The following LMNTD1 variants were observed in gnomAD, a reference collection of about 807,000 sequenced individuals.
The protein encoded by LMNTD1 is lamin tail domain-containing protein 1.
A neutral mutation model predicts 50.9 loss-of-function variants in LMNTD1; 35 were observed. The ratio of observed to expected loss-of-function variants is 0.69; its 90% confidence interval spans 0.53 to 0.91. The LOEUF (loss-of-function observed/expected upper bound fraction) is 0.91. Ranked by LOEUF, LMNTD1 falls within the 40% of genes least tolerant of loss-of-function variation. The pLI, the probability that LMNTD1 is intolerant of heterozygous loss-of-function variation, is 0.00. For synonymous variants in LMNTD1, 153 were observed against 161.9 expected (o/e 0.94, Z 0.42); for missense variants, 470 against 475.5 (o/e 0.99, Z 0.11).
chr12:25,478,793 A>G (rs895327873), intron 9 of LMNTD1, among the ~76,000 whole-genome samples: 14 of 152,194 alleles, frequency 9.2e-5, no homozygotes, highest in Non-Finnish European at 1.9e-4. Flanking sequence ...TCTCAAGAAA[A>G]AAAAAGCTGG....
At chr12:25,614,388 G>A (rs978583547) in intron 1 of LMNTD1, among the ~76,000 whole-genome samples, 1 of 151,988 alleles carries the variant, frequency 6.6e-6, no homozygotes, top group Non-Finnish European at 1.5e-5. Flanking sequence ...CAATTACCAG[G>A]TATCTGGGTG....
At chr12:25,606,470 G>A (rs1946106458) in intron 1 of LMNTD1, among the ~76,000 whole-genome samples, 1 of 152,160 alleles carries the variant, frequency 6.6e-6, no homozygotes, top group Non-Finnish European at 1.5e-5. Flanking sequence ...CTGTGGGTTT[G>A]TCATAGATAG....
At chr12:25,601,535 T>C (rs1945974719) in intron 1 of LMNTD1, among the ~76,000 whole-genome samples, 1 of 151,968 alleles carries the variant, frequency 6.6e-6, no homozygotes. Flanking sequence ...GACGTGATTA[T>C]GAAGCATTGC....
chr12:25,529,593 A>G (rs1942079289), intron 4 of LMNTD1, among the ~76,000 whole-genome samples: 1 of 152,042 alleles, frequency 6.6e-6, no homozygotes, highest in Non-Finnish European at 1.5e-5. Context: ...AGTGGCATCT[A>G]TTTACGTCTT....
intron 4 of LMNTD1, among the ~76,000 whole-genome samples, chr12:25,544,418 T>A (rs1405401432): frequency 6.6e-6 from 1 of 151,862 alleles, no homozygotes. Flanking sequence ...ATGGAATAGT[T>A]TTTCTATCCC....
chr12:25,511,920 C>G (rs985585939), intron 8 of LMNTD1, among the ~76,000 whole-genome samples: 2 of 152,176 alleles, frequency 1.3e-5, no homozygotes, highest in Non-Finnish European at 2.9e-5. Flanking sequence ...TTTGCCCCCC[C>G]TCTTTTCAAC....
At chr12:25,518,400 A>C (rs956314451) in intron 8 of LMNTD1, among the ~76,000 whole-genome samples, 1 of 152,240 alleles carries the variant, frequency 6.6e-6, no homozygotes, top group African/African-American at 2.4e-5. Flanking sequence ...AGAATTGGGG[A>C]TTAACATTAG....
rs555036071 is a variant in LMNTD1 at position 25,595,257 on chromosome 12, C to T, written c.59-48703G>A. 2.5e-4 allele frequency among the ~76,000 whole-genome samples: 38 copies of T among 152,100 alleles called. No individual in the cohort carries two copies. The South Asian group carries it at 7.9e-3, about 32-fold the overall frequency. On this transcript the variant is annotated intron_variant, in intron 1 of 7. Transcript: ENST00000445693. ...AACAGATGTATAGAGAATATTTTACCCAACAACCACAGAATATACATTCTA... is the reference window on the plus strand; with the variant it reads ...AACAGATGTATAGAGAATATTTTACTCAACAACCACAGAATATACATTCTA...
intron 1 of LMNTD1, among the ~76,000 whole-genome samples, chr12:25,629,644 T>C (rs1030387943): frequency 2.0e-5 from 3 of 152,144 alleles, no homozygotes; most frequent in Admixed American, 1.3e-4. Flanking sequence ...TCTAAGGGGA[T>C]TGATTTTATT....
chr12:25,484,767 T>G (rs1938565701), intron 9 of LMNTD1, among the ~76,000 whole-genome samples: 1 of 146,710 alleles, frequency 6.8e-6, no homozygotes, highest in Non-Finnish European at 1.5e-5. Flanking sequence ...TGGTTTTTTC[T>G]TCTTGCGATA....
chr12:25,504,335 G>A lies in LMNTD1; in HGVS notation c.1190-535C>T, dbSNP rs78033903. On this transcript the variant is annotated intron_variant, in intron 8 of 9. Coordinates refer to ENST00000458174, the MANE Select transcript of LMNTD1 (RefSeq NM_001145728.2). ...CAACTCCAGCCTGGTGATGAATGAG[G>A]TGACAGATATGGTGGCCTTCCTTAC... 3.6e-3 allele frequency among the ~76,000 whole-genome samples: 553 copies of A among 152,300 alleles called. 4 individuals are homozygous for A. Among genetic ancestry groups the A allele is most frequent in the African/African-American group, 0.013 (538 of 41,564 alleles).
At chr12:25,605,452 C>T (rs1182944020) in intron 1 of LMNTD1, among the ~76,000 whole-genome samples, 2 of 152,144 alleles carry the variant, frequency 1.3e-5, no homozygotes, top group African/African-American at 2.4e-5. Context: ...CCTAGGTTTT[C>T]TTCTAGGGTT....
intron 4 of LMNTD1, among the ~76,000 whole-genome samples, chr12:25,543,597 T>C (rs894468020): frequency 2.0e-5 from 3 of 151,952 alleles, no homozygotes; most frequent in Non-Finnish European, 2.9e-5. Flanking sequence ...TTTTCTCTGA[T>C]CTTTATTGTT....
chr12:25,511,266 T>C (rs1565952224), intron 8 of LMNTD1, among the ~76,000 whole-genome samples: 1 of 151,926 alleles, frequency 6.6e-6, no homozygotes, highest in Non-Finnish European at 1.5e-5. Context: ...GGGGAGAAAA[T>C]GAAGATTTTT....
chr12:25,491,931 T>C (rs541653947), intron 9 of LMNTD1, among the ~76,000 whole-genome samples: 2 of 152,236 alleles, frequency 1.3e-5, no homozygotes, highest in South Asian at 4.1e-4. Context: ...GAGTTGATAA[T>C]TTACATAAAA....
At chr12:25,506,461 G>A (rs1006813650) in intron 8 of LMNTD1, among the ~76,000 whole-genome samples, 3 of 151,968 alleles carry the variant, frequency 2.0e-5, no homozygotes, top group African/African-American at 2.4e-5. Context: ...ATATCAACTC[G>A]AAACAATGCA....
rs1191267021 is a variant in LMNTD1, at chr12:25,546,526, T to C, written c.339A>G (p.Lys113=). 5 of 1,568,912 alleles carry C rather than the reference T, an allele frequency of 3.2e-6. No individual in the cohort carries two copies. In the African/African-American group the frequency reaches 4.1e-5, roughly 13 times the overall value. The change falls in exon 4 of 10, where the codon AAA becomes AAG. Residue 113 remains lysine, a synonymous_variant. Coordinates refer to ENST00000458174, the MANE Select transcript of LMNTD1 (RefSeq NM_001145728.2). ...CCCCAATCATGGGTGATTCATCCTGTTTCTTCGGAACTGAGAAGGGGCTGG... is the reference window on the plus strand; with the variant it reads ...CCCCAATCATGGGTGATTCATCCTGCTTCTTCGGAACTGAGAAGGGGCTGG... The part of the protein sequence containing the change: ...LDASPFSVPK[K]QDESPMIGDG...
chr12:25,549,193 A>G, intron 3 of LMNTD1, 133 bp downstream of exon 3: 1 of 569,000 alleles, frequency 1.8e-6, no homozygotes, highest in South Asian at 2.5e-5. Context: ...GTTACTTTTC[A>G]TAAGATGCTA....
At chr12:25,597,983 AT>A (rs1945878517) in intron 1 of LMNTD1, among the ~76,000 whole-genome samples, 1 of 152,090 alleles carries the variant, frequency 6.6e-6, no homozygotes, top group African/African-American at 2.4e-5. Context: ...GGTTTTTCCC[AT>A]GCTGTTCTTG....
Sources: allele counts gnomAD v4.1 joint callset (sites outside exome capture counted in the v4.1 genomes callset), GRCh38; gene constraint gnomAD v4.1.1; transcripts MANE v1.5; gene names NCBI Gene and HGNC (gene_info 2026-07-23, HGNC 2026-07-21).